RIMS2: variants seen among roughly 807,000 people sequenced by gnomAD.
RIMS2 encodes regulating synaptic membrane exocytosis protein 2.
A neutral mutation model predicts 174.4 loss-of-function variants in RIMS2; 59 were observed. The ratio of observed to expected loss-of-function variants is 0.34; its 90% CI spans 0.27 to 0.42. The LOEUF is 0.42. Ranked by LOEUF, RIMS2 falls within the 10% of genes least tolerant of loss-of-function variation. The pLI is 1.00. For synonymous variants in RIMS2, 606 were observed against 572.5 expected (o/e 1.06, Z -0.84); for missense variants, 1,620 against 1,666.3 (o/e 0.97, Z 0.48).
intron 1 of RIMS2, among the ~76,000 whole-genome samples, chr8:103,607,192 G>C (rs529443840): frequency 6.6e-6 from 1 of 152,124 alleles, no homozygotes; most frequent in Non-Finnish European, 1.5e-5. Context: ...TTTAGGGCAG[G>C]CCTCGTGGTG....
At chr8:103,608,062 A>G (rs1296705096) in intron 1 of RIMS2, among the ~76,000 whole-genome samples, 4 of 149,600 alleles carry the variant, frequency 2.7e-5, no homozygotes, top group Non-Finnish European at 3.0e-5. Flanking sequence ...ATTCCTTTGG[A>G]GGAGGAGAGG....
intron 19 of RIMS2, among the ~76,000 whole-genome samples, chr8:104,097,611 C>CAAAAA (rs61692286): frequency 7.4e-6 from 1 of 134,596 alleles, no homozygotes; most frequent in Non-Finnish European, 1.6e-5. Context: ...TAAGCAATAG[C>CAAAAA]AAAAAAAAAA....
intron 3 of RIMS2, among the ~76,000 whole-genome samples, chr8:103,808,570 A>C (rs1190367873): frequency 6.6e-6 from 1 of 152,072 alleles, no homozygotes; most frequent in Non-Finnish European, 1.5e-5. Flanking sequence ...CATGCACCTC[A>C]AATTCAGCAA....
chr8:103,878,247 A>G (rs755115632), intron 3 of RIMS2, among the ~76,000 whole-genome samples: 5 of 151,890 alleles, frequency 3.3e-5, no homozygotes, highest in Non-Finnish European at 5.9e-5. Context: ...CTGTGAGTCA[A>G]TTAAGCCTCT....
intron 1 of RIMS2, among the ~76,000 whole-genome samples, chr8:103,606,864 C>T (rs1349222804): frequency 1.3e-5 from 2 of 151,574 alleles, no homozygotes; most frequent in Admixed American, 1.3e-4. Flanking sequence ...GTAGATCTTC[C>T]TCCATCCTTT....
chr8:104,147,128 TAAAAC>T (rs1174061343), intron 19 of RIMS2, among the ~76,000 whole-genome samples: 1 of 152,158 alleles, frequency 6.6e-6, no homozygotes, highest in Non-Finnish European at 1.5e-5. Context: ...TCTATCAAAA[TAAAAC>T]AAACTTGAAA....
At chr8:103,662,796 G>A (rs1037208801) in intron 1 of RIMS2, among the ~76,000 whole-genome samples, 1 of 152,032 alleles carries the variant, frequency 6.6e-6, no homozygotes, top group Non-Finnish European at 1.5e-5. Flanking sequence ...TTTAATGTCA[G>A]TCTCTAATAT....
At chr8:104,241,065 A>G (rs953168425) in intron 19 of RIMS2, among the ~76,000 whole-genome samples, 1 of 152,112 alleles carries the variant, frequency 6.6e-6, no homozygotes, top group African/African-American at 2.4e-5. Flanking sequence ...AAGCAGTTTG[A>G]TCCCAGGGCC....
intron 1 of RIMS2, among the ~76,000 whole-genome samples, chr8:103,580,292 C>A (rs1483851595): frequency 6.6e-6 from 1 of 151,824 alleles, no homozygotes; most frequent in Non-Finnish European, 1.5e-5. Flanking sequence ...ACCAAAAACC[C>A]ACCTCACCTG....
At chr8:103,721,965 G>A (rs2097455058) in intron 2 of RIMS2, among the ~76,000 whole-genome samples, 1 of 152,158 alleles carries the variant, frequency 6.6e-6, no homozygotes, top group African/African-American at 2.4e-5. Flanking sequence ...GAGCCGTTTT[G>A]GGGTGGTGAG....
At chr8:104,040,495 T>A (rs1036329772) in intron 19 of RIMS2, among the ~76,000 whole-genome samples, 2 of 151,840 alleles carry the variant, frequency 1.3e-5, no homozygotes. Flanking sequence ...AAAAAAGTTT[T>A]TCCAAAACAT....
At chr8:104,111,165 A>G (rs906380880) in intron 19 of RIMS2, among the ~76,000 whole-genome samples, 6 of 152,196 alleles carry the variant, frequency 3.9e-5, no homozygotes, top group Admixed American at 1.3e-4. Context: ...AATCCAGTAA[A>G]GAGGAAAAAT....
rs74623250 is a variant in RIMS2, at chr8:104,247,953, G to A, written c.3477-748G>A. ...AAAGGTCAAAGGATCGAGCTCCAGT[G>A]TTTAGTGTCAGAACTAGCAGAGGAG... is the stretch of plus-strand genomic sequence containing the variant. On this transcript the variant is annotated intron_variant, in intron 20 of 23. Coordinates refer to ENST00000504942, the Ensembl canonical transcript of RIMS2. Among the ~76,000 whole-genome samples the A allele has an allele frequency of 1.4e-4, 21 of 152,312 alleles. No homozygotes were observed. In the East Asian group the frequency reaches 2.5e-3, roughly 18 times the overall value.
At chr8:103,739,679 T>A (rs1387378212) in intron 2 of RIMS2, among the ~76,000 whole-genome samples, 1 of 152,208 alleles carries the variant, frequency 6.6e-6, no homozygotes, top group East Asian at 1.9e-4. Flanking sequence ...GATCCAGTCA[T>A]TTGAAATTAA....
intron 19 of RIMS2, among the ~76,000 whole-genome samples, chr8:104,087,072 G>A (rs2097548821): frequency 6.6e-6 from 1 of 151,950 alleles, no homozygotes; most frequent in Non-Finnish European, 1.5e-5. Flanking sequence ...TAACAGCACT[G>A]CCTATACCCA....
At chr8:104,109,079 A>G (rs2098128953) in intron 19 of RIMS2, among the ~76,000 whole-genome samples, 1 of 151,792 alleles carries the variant, frequency 6.6e-6, no homozygotes, top group Non-Finnish European at 1.5e-5. Context: ...GGACAGATCA[A>G]TAGGTCAGGA....
chr8:103,985,360 G>C (rs1350021871), intron 16 of RIMS2, among the ~76,000 whole-genome samples: 1 of 149,984 alleles, frequency 6.7e-6, no homozygotes, highest in Non-Finnish European at 1.5e-5. Flanking sequence ...TGTAGTCCCA[G>C]CTACTTGGAA....
chr8:103,633,751 C>G (rs1218135554), intron 1 of RIMS2, among the ~76,000 whole-genome samples: 1 of 152,104 alleles, frequency 6.6e-6, no homozygotes, highest in Non-Finnish European at 1.5e-5. Flanking sequence ...CTTCCTGGCT[C>G]TGTCTTGGAA....
At chr8:103,896,975 G>A (rs2099284214) in intron 4 of RIMS2, among the ~76,000 whole-genome samples, 1 of 151,638 alleles carries the variant, frequency 6.6e-6, no homozygotes, top group Non-Finnish European at 1.5e-5. Context: ...GTCCACAGAA[G>A]GGCATGGATA....
Sources: gnomAD v4.1 joint callset for allele counts (sites outside exome capture counted in the v4.1 genomes callset) on GRCh38, gnomAD v4.1.1 for gene constraint, MANE v1.5 for transcripts, NCBI Gene and HGNC (gene_info 2026-07-23, HGNC 2026-07-21) for gene names.